RAB11FIP3: variants seen among roughly 807,000 people sequenced by gnomAD.
RAB11FIP3 encodes the protein rab11 family-interacting protein 3.
RAB11FIP3 carries 17 observed loss-of-function variants against 77.8 expected under a neutral mutation model. The observed-to-expected ratio is 0.22, with a 90% CI of 0.15 to 0.33. The LOEUF (loss-of-function observed/expected upper bound fraction) is 0.33. RAB11FIP3 is among the 10% of genes least tolerant of loss of function. The probability of loss-of-function intolerance (pLI) is 1.00; values close to 1 mark genes in which losing one functional copy is unlikely to be tolerated. For missense variants in RAB11FIP3, 1,005 were observed against 1,011.2 expected (o/e 0.99, Z 0.08); for synonymous variants, 437 against 448.2 (o/e 0.98, Z 0.31).
At chr16:477,571 G>A (rs996142753) in intron 3 of RAB11FIP3, 85 of 970,308 alleles carry the variant, frequency 8.8e-5, no homozygotes, top group Middle Eastern at 5.2e-4. Context: ...CCTGCCTGGC[G>A]TCCCGCAGGC....
chr16:491,823 G>T (rs557767692), intron 5 of RAB11FIP3, among the ~76,000 whole-genome samples: 3 of 151,620 alleles, frequency 2.0e-5, no homozygotes, highest in Non-Finnish European at 4.4e-5. Context: ...GATTTCGCTT[G>T]CGGTGAAGCC....
intron 6 of RAB11FIP3, 61 bp downstream of exon 6, chr16:496,920 T>C: frequency 2.1e-6 from 3 of 1,453,212 alleles, no homozygotes; most frequent in East Asian, 4.6e-5. Flanking sequence ...ATCATAGTTT[T>C]TTAAAAAACA....
intron 2 of RAB11FIP3, among the ~76,000 whole-genome samples, chr16:466,285 C>G (rs2055700992): frequency 6.6e-6 from 1 of 152,174 alleles, no homozygotes; most frequent in Non-Finnish European, 1.5e-5. Context: ...GTGAAGTGCT[C>G]AGATCCCTCT....
Position 474,251 on chromosome 16 carries a change from G to A in RAB11FIP3, c.903+2862G>A, listed in dbSNP as rs148958967. On this transcript the variant is annotated intron_variant, in intron 3 of 13. Coordinates refer to ENST00000262305, the MANE Select transcript of RAB11FIP3 (RefSeq NM_014700.4). Reference sequence around the variant, plus strand: ...TGATTGGTTGATTGGTTGATTGATTGATATTCTGAATGGTTCCAGTCAGAC... The same window carrying A: ...TGATTGGTTGATTGGTTGATTGATTAATATTCTGAATGGTTCCAGTCAGAC... Among the ~76,000 whole-genome samples the A allele has an allele frequency of 4.5e-4, 69 of 152,282 alleles. 1 individual carries two copies. The East Asian group carries it at 0.013, about 29-fold the overall frequency.
chr16:508,589 G>A (rs942408440), intron 8 of RAB11FIP3, among the ~76,000 whole-genome samples: 1 of 152,162 alleles, frequency 6.6e-6, no homozygotes, highest in African/African-American at 2.4e-5. Context: ...GGCCAGGCCG[G>A]TGTTGAACTC....
In RAB11FIP3 at chr16:495,895, C is replaced by T. The variant is rs546055960; in HGVS notation, c.1266-929C>T. 9.8e-5 allele frequency among the ~76,000 whole-genome samples: 15 copies of T among 152,290 alleles called. No homozygotes were observed. The South Asian group carries it at 3.1e-3, about 32-fold the overall frequency. On this transcript the variant is annotated intron_variant, in intron 5 of 13. Coordinates refer to ENST00000262305, the MANE Select transcript of RAB11FIP3 (RefSeq NM_014700.4). ...CCTCCCGAGTAGCTGGGATTACAGG[C>T]ATGCGCCACCATTCCCGGTTATTTT...
At position 455,501 on chromosome 16, in the gene RAB11FIP3, G is replaced by A. The variant is rs567766260; in HGVS notation, c.715-5903G>A. Among the ~76,000 whole-genome samples, 6 of 151,716 alleles carry A rather than the reference G, an allele frequency of 4.0e-5. No homozygotes were observed. In the East Asian group the frequency reaches 5.8e-4, roughly 15 times the overall value. On this transcript the variant is annotated intron_variant, in intron 1 of 13. Transcript: ENST00000262305. ...AAAAAAAAAAAAAGAATTGAGAACC[G>A]CGCACACTCTCACAAGCACTCAGCA...
At chr16:440,441 C>T (rs1218820729) in intron 1 of RAB11FIP3, among the ~76,000 whole-genome samples, 2 of 152,188 alleles carry the variant, frequency 1.3e-5, no homozygotes, top group Non-Finnish European at 2.9e-5. Context: ...CCTCTGCTGT[C>T]GTCCCTTCCC....
chr16:445,412 C>T (rs2055298316), intron 1 of RAB11FIP3, among the ~76,000 whole-genome samples: 1 of 151,912 alleles, frequency 6.6e-6, no homozygotes, highest in Admixed American at 6.6e-5. Flanking sequence ...GCATTCCAGC[C>T]TGGGTGACAG....
intron 5 of RAB11FIP3, among the ~76,000 whole-genome samples, chr16:490,330 C>T (rs1596266838): frequency 6.6e-6 from 1 of 152,204 alleles, no homozygotes; most frequent in African/African-American, 2.4e-5. Context: ...TTAGCTAGCA[C>T]CACCACAAAA....
chr16:435,338 A>G (rs1423464506), intron 1 of RAB11FIP3, among the ~76,000 whole-genome samples: 1 of 152,146 alleles, frequency 6.6e-6, no homozygotes, highest in Admixed American at 6.6e-5. Flanking sequence ...CTTCTCTTCC[A>G]AGCACTTATT....
chr16:498,833 C>T lies in RAB11FIP3; in HGVS notation c.1301+1974C>T, dbSNP rs1453809589. Among the ~76,000 whole-genome samples the T allele has an allele frequency of 2.6e-5, 4 of 152,166 alleles. No individual in the cohort carries two copies. In the East Asian group the frequency reaches 7.7e-4, roughly 29 times the overall value. ...TTTCCATTTTCTGTCATTTTAGGGG[C>T]TAGGGGCTAGGGGCTAGAGGAAGCA... On this transcript the variant is annotated intron_variant, in intron 6 of 13. Transcript: ENST00000262305.
intron 8 of RAB11FIP3, among the ~76,000 whole-genome samples, chr16:509,736 T>C (rs2032040161): frequency 1.3e-5 from 2 of 151,992 alleles, no homozygotes; most frequent in Admixed American, 6.6e-5. Flanking sequence ...TGGAGGGGAC[T>C]GGGAGCAGAG....
At chr16:488,304 C>T (rs8058560) in intron 4 of RAB11FIP3, among the ~76,000 whole-genome samples, 8 of 152,062 alleles carry the variant, frequency 5.3e-5, no homozygotes, top group East Asian at 1.9e-4. Context: ...GACGTGAACC[C>T]GGGAGGCGGA....
rs2055807546 is a variant in RAB11FIP3, at chr16:471,476, G to C, written c.903+87G>C. 2 of 1,170,000 alleles carry C rather than the reference G, an allele frequency of 1.7e-6. No individual in the cohort carries two copies. Among genetic ancestry groups the C allele is most frequent in the Admixed American group, 2.0e-5 (1 of 50,152 alleles). 72.5% of individuals were successfully genotyped at this position (1,170,000 alleles called of 1,614,324 possible). ...TACAGCTCGTGCCTCCTGCCTCCGGGCTGTCTTCCGTAGAAGCTGGCGTGA... is the reference window on the plus strand; with the variant it reads ...TACAGCTCGTGCCTCCTGCCTCCGGCCTGTCTTCCGTAGAAGCTGGCGTGA... On this transcript the variant is annotated intron_variant, in intron 3 of 13. Transcript: ENST00000262305. The surrounding 1 kb of genome is among the most constrained non-coding windows in gnomAD (Gnocchi z 4.4).
chr16:502,045 C>T (rs924680495), intron 6 of RAB11FIP3, among the ~76,000 whole-genome samples: 27 of 152,234 alleles, frequency 1.8e-4, no homozygotes, highest in Admixed American at 1.8e-3. Context: ...TTAACGGTCA[C>T]GCAGTTCTGA....
chr16:443,325 G>A (rs1286300423), intron 1 of RAB11FIP3, among the ~76,000 whole-genome samples: 14 of 152,094 alleles, frequency 9.2e-5, no homozygotes, highest in African/African-American at 1.9e-4. Flanking sequence ...GATCATGCAC[G>A]CTTAAAATAA....
chr16:461,436 T>C lies in RAB11FIP3; in HGVS notation c.747T>C (p.Ser249=). Residue 249 remains serine, a synonymous_variant, in exon 2 of 14, where the codon AGT becomes AGC. Coordinates refer to ENST00000262305, the MANE Select transcript of RAB11FIP3 (RefSeq NM_014700.4). This position sits in a 1 kb window ranked among gnomAD's most constrained non-coding sequence, Gnocchi z 4.5. ...ACTTAACTAAGTACTTGGATCCCAG[T>C]GGGCTCGGCGTGATCAGCTTTGAAG... ...VKDLTKYLDP[S]GLGVISFEDF... The C allele has an allele frequency of 1.9e-6, 3 of 1,613,938 alleles. No homozygotes were observed. Among genetic ancestry groups the C allele is most frequent in the Non-Finnish European group, 2.5e-6 (3 of 1,179,940 alleles).
rs564745206 is a variant in RAB11FIP3 at position 432,215 on chromosome 16, A to G, written c.714+5495A>G. Among the ~76,000 whole-genome samples the G allele has an allele frequency of 2.6e-5, 4 of 152,204 alleles. No homozygotes were observed. The South Asian group carries it at 8.3e-4, about 32-fold the overall frequency. On this transcript the variant is annotated intron_variant, in intron 1 of 13. Coordinates refer to ENST00000262305, the MANE Select transcript of RAB11FIP3 (RefSeq NM_014700.4). Reference sequence around the variant, plus strand: ...AACATGGTGAAACCCCATCTCTACTAAAAATACAAAAATTAGCTGGGTGTG... The same window carrying G: ...AACATGGTGAAACCCCATCTCTACTGAAAATACAAAAATTAGCTGGGTGTG...
Sources: allele counts gnomAD v4.1 joint callset (sites outside exome capture counted in the v4.1 genomes callset), GRCh38; gene constraint gnomAD v4.1.1; non-coding constraint Gnocchi (gnomAD v3.1); transcripts MANE v1.5; gene names NCBI Gene and HGNC (gene_info 2026-07-23, HGNC 2026-07-21).